Variants in FAM193A observed in about 807,000 individuals in gnomAD.
FAM193A encodes the protein protein FAM193A.
A neutral mutation model predicts 126.5 loss-of-function variants in FAM193A; 22 were observed. The ratio of observed to expected loss-of-function variants is 0.17; its 90% CI spans 0.12 to 0.25. FAM193A has a LOEUF of 0.25. Among genes scored for constraint, FAM193A ranks in the 10% least tolerant of loss-of-function variants. The pLI is 1.00. For missense variants in FAM193A, 1,675 were observed against 1,672.8 expected (o/e 1.00, Z -0.02); for synonymous variants, 761 against 646.8 (o/e 1.18, Z -2.68).
intron 13 of FAM193A, 30 bp downstream of exon 13, chr4:2,672,402 T>G (rs1183836258): frequency 6.2e-7 from 1 of 1,611,212 alleles, no homozygotes; most frequent in Admixed American, 1.7e-5. Context: ...GTCTGAAAGC[T>G]CACTCTTCAC....
In FAM193A at chr4:2,732,203, T is replaced by C; in HGVS notation, c.*335T>C. ...CCACGTGGCTCCGTTGCCTCTGCATTGCGCCCTGTCCTGTCATGTGTCCTC... is the reference window on the plus strand; with the variant it reads ...CCACGTGGCTCCGTTGCCTCTGCATCGCGCCCTGTCCTGTCATGTGTCCTC... On this transcript the variant is annotated 3_prime_UTR_variant, in exon 21 of 21. Transcript: ENST00000637812. 2.8e-6 allele frequency: 1 copy of C among 362,856 alleles called. No homozygotes were observed. 22.5% of individuals were successfully genotyped at this position (362,856 alleles called of 1,614,324 possible).
chr4:2,726,897 C>T (rs1307173605), intron 20 of FAM193A, among the ~76,000 whole-genome samples: 1 of 147,932 alleles, frequency 6.8e-6, no homozygotes, highest in East Asian at 2.0e-4. Flanking sequence ...TTGTAGTGAG[C>T]CCAGATCGTG....
At chr4:2,559,398 C>A (rs777988221) in intron 1 of FAM193A, among the ~76,000 whole-genome samples, 2 of 152,320 alleles carry the variant, frequency 1.3e-5, no homozygotes, top group Admixed American at 6.5e-5. Flanking sequence ...TCAGTACCAA[C>A]TGAGATAAAG....
At chr4:2,603,608 C>T (rs955240333) in intron 2 of FAM193A, among the ~76,000 whole-genome samples, 2 of 151,154 alleles carry the variant, frequency 1.3e-5, no homozygotes, top group Non-Finnish European at 3.0e-5. Flanking sequence ...GGGTGCATGC[C>T]ACCACGCCTG....
chr4:2,616,215 GCCA>G (rs147399347), intron 2 of FAM193A, among the ~76,000 whole-genome samples: 169 of 152,270 alleles, frequency 1.1e-3, no homozygotes, highest in Non-Finnish European at 1.7e-3. Flanking sequence ...TTGAATTAAT[GCCA>G]CCACCATCAT....
intron 19 of FAM193A, among the ~76,000 whole-genome samples, chr4:2,705,147 C>A (rs1718165825): frequency 6.6e-6 from 1 of 152,152 alleles, no homozygotes; most frequent in African/African-American, 2.4e-5. Flanking sequence ...CCTGACCTCA[C>A]AATCCGCCTG....
chr4:2,731,673 A>G (rs1721412030), intron 20 of FAM193A, 102 bp from the exon 21 acceptor site: 1 of 857,374 alleles, frequency 1.2e-6, no homozygotes, highest in Non-Finnish European at 1.9e-6. Flanking sequence ...CTGACCCCGC[A>G]GTGAGTTTCT....
In FAM193A at chr4:2,700,441, G is replaced by C. The variant is rs1265352140; in HGVS notation, c.4269G>C (p.Glu1423Asp). 6.2e-7 allele frequency: 1 copy of C among 1,614,098 alleles called. No homozygotes were observed. The highest frequency in any genetic ancestry group is 1.3e-5 in the African/African-American group (1 of 74,942). ...PTPMEPTSPG[E>D]HQQNSKLVLA... Reference sequence around the variant, plus strand: ...CTATGGAGCCCACCTCTCCCGGTGAGCATCAGCAGAACAGCAAGCTGGTGC... The same window carrying C: ...CTATGGAGCCCACCTCTCCCGGTGACCATCAGCAGAACAGCAAGCTGGTGC... The change falls in exon 19 of 21, where the codon GAG becomes GAC. Residue 1423 changes from glutamate to aspartate, a missense_variant. Physicochemically the swap from Glu to Asp is conservative, Grantham distance 45. Around this residue, in one of 4 missense-constraint regions of FAM193A, gnomAD observed 415 missense variants for 396.7 expected, o/e 1.05. Transcript: ENST00000637812.
intron 20 of FAM193A, among the ~76,000 whole-genome samples, chr4:2,721,715 C>G (rs1386340976): frequency 6.6e-6 from 1 of 152,230 alleles, no homozygotes; most frequent in Non-Finnish European, 1.5e-5. Flanking sequence ...TGTTAAATTA[C>G]TTTGGAAAAG....
intron 5 of FAM193A, 127 bp downstream of exon 5, chr4:2,631,296 C>G (rs1743557517): frequency 2.5e-6 from 2 of 790,998 alleles, no homozygotes; most frequent in Admixed American, 5.9e-5. Flanking sequence ...ATAGGCCCCT[C>G]TTCTCTACGG....
At chr4:2,720,078 AG>A (rs1284740456) in intron 20 of FAM193A, 1 of 161,902 alleles carries the variant, frequency 6.2e-6, no homozygotes, top group African/African-American at 2.4e-5. Flanking sequence ...TACAGGTGTG[AG>A]CCCCCGCACC....
At chr4:2,609,292 A>G (rs1023940351) in intron 2 of FAM193A, among the ~76,000 whole-genome samples, 2 of 152,118 alleles carry the variant, frequency 1.3e-5, no homozygotes, top group African/African-American at 4.8e-5. Flanking sequence ...ACATTTGCAT[A>G]TGTTTAACAA....
chr4:2,675,555 A>C (rs1166063882), intron 13 of FAM193A, among the ~76,000 whole-genome samples: 1 of 152,230 alleles, frequency 6.6e-6, no homozygotes, highest in Admixed American at 6.5e-5. Context: ...CCTGAAATTA[A>C]TATAGCTCCT....
intron 1 of FAM193A, among the ~76,000 whole-genome samples, chr4:2,541,661 G>C (rs1007417823): frequency 2.0e-5 from 3 of 151,822 alleles, no homozygotes; most frequent in Non-Finnish European, 4.4e-5. Flanking sequence ...GGCTAGGATG[G>C]TTTCTCTTTC....
At chr4:2,691,214 TC>T (rs1273732630) in intron 15 of FAM193A, among the ~76,000 whole-genome samples, 1 of 152,202 alleles carries the variant, frequency 6.6e-6, no homozygotes, top group African/African-American at 2.4e-5. Flanking sequence ...TGTCTCTGTT[TC>T]TGTTCTTCTG....
At chr4:2,630,684 G>C (rs766185053) in intron 4 of FAM193A, among the ~76,000 whole-genome samples, 1 of 152,228 alleles carries the variant, frequency 6.6e-6, no homozygotes, top group East Asian at 1.9e-4. Context: ...ATTAGTGCAC[G>C]TGCACGGACA....
chr4:2,544,963 C>T (rs866509406), intron 1 of FAM193A, among the ~76,000 whole-genome samples: 1 of 151,398 alleles, frequency 6.6e-6, no homozygotes, highest in Admixed American at 6.6e-5. Flanking sequence ...TCATCTGTAT[C>T]CTTTAAAAGG....
At chr4:2,718,590 G>T (rs1719792372) in intron 20 of FAM193A, among the ~76,000 whole-genome samples, 1 of 152,018 alleles carries the variant, frequency 6.6e-6, no homozygotes, top group Admixed American at 6.6e-5. Context: ...AGCCAGATAT[G>T]GTGGCATGCG....
At chr4:2,628,620 G>C (rs1157515401) in intron 4 of FAM193A, among the ~76,000 whole-genome samples, 1 of 152,132 alleles carries the variant, frequency 6.6e-6, no homozygotes, top group Non-Finnish European at 1.5e-5. Flanking sequence ...CTGGGCAACA[G>C]AGTAAAATCC....
Sources: allele counts gnomAD v4.1 joint callset (sites outside exome capture counted in the v4.1 genomes callset), GRCh38; gene constraint gnomAD v4.1.1; regional missense constraint gnomAD v4.1.1; transcripts MANE v1.5; gene names NCBI Gene and HGNC (gene_info 2026-07-23, HGNC 2026-07-21).